The following GRID1 variants were observed in gnomAD, a reference collection of about 807,000 sequenced individuals.
The protein encoded by GRID1 is glutamate ionotropic receptor delta type subunit 1, also known as glutamate receptor ionotropic, delta-1.
GRID1 carries 28 observed loss-of-function variants against 98.0 expected under a neutral mutation model. The observed-to-expected ratio is 0.29, with a 90% CI of 0.21 to 0.39. The LOEUF is 0.39. Ranked by LOEUF, GRID1 falls within the 10% of genes least tolerant of loss-of-function variation. The probability of loss-of-function intolerance (pLI) is 1.00; values close to 1 mark genes in which losing one functional copy is unlikely to be tolerated. For synonymous variants in GRID1, 553 were observed against 538.5 expected, an observed-to-expected ratio of 1.03 and a Z score of -0.37; for missense variants, 1,111 against 1,340.5, an observed-to-expected ratio of 0.83 and a Z score of 2.67.
chr10:86,179,348 G>C (rs1474481775), intron 3 of GRID1, among the ~76,000 whole-genome samples: 1 of 151,820 alleles, frequency 6.6e-6, no homozygotes, highest in Non-Finnish European at 1.5e-5. Context: ...CCTGGGATCA[G>C]CCAGACATTT....
At chr10:85,946,175 G>T (rs1159573444) in intron 4 of GRID1, among the ~76,000 whole-genome samples, 1 of 152,088 alleles carries the variant, frequency 6.6e-6, no homozygotes, top group Non-Finnish European at 1.5e-5. Context: ...TGAAGCTCTG[G>T]GTAGTACAAA....
intron 8 of GRID1, among the ~76,000 whole-genome samples, chr10:85,775,332 C>T (rs965883564): frequency 1.1e-3 from 20 of 17,542 alleles, no homozygotes; most frequent in Middle Eastern, 0.029. Context: ...GTTGTGGGGT[C>T]GGGGGAGGGA....
rs1446151932 is a variant in GRID1 at position 86,043,108 on chromosome 10, T to C, written c.726+95711A>G. 2.0e-5 allele frequency among the ~76,000 whole-genome samples: 3 copies of C among 152,146 alleles called. No individual in the cohort carries two copies. In the South Asian group the frequency reaches 6.2e-4, roughly 32 times the overall value. Reference sequence around the variant, plus strand: ...AGTTTCCAAAAAAAAAGAAAGTGTCTATTTTATTAGACATCAGAGAGTGGA... The same window carrying C: ...AGTTTCCAAAAAAAAAGAAAGTGTCCATTTTATTAGACATCAGAGAGTGGA... On this transcript the variant is annotated intron_variant, in intron 4 of 15. Transcript: ENST00000327946.
intron 2 of GRID1, among the ~76,000 whole-genome samples, chr10:86,239,309 C>T (rs1240046062): frequency 6.6e-6 from 1 of 152,214 alleles, no homozygotes; most frequent in Non-Finnish European, 1.5e-5. Flanking sequence ...ATGCCTGCAC[C>T]CCCATTGTAT....
At position 85,612,733 on chromosome 10, in the gene GRID1, A is replaced by G. The variant is rs577231666; in HGVS notation, c.2601+674T>C. Among the ~76,000 whole-genome samples the G allele has an allele frequency of 2.6e-5, 4 of 151,342 alleles. No individual in the cohort carries two copies. In the East Asian group the frequency reaches 7.8e-4, roughly 30 times the overall value. ...GGGACCTTGGTGAAGGCTTTATTTC[A>G]GAAAAAAAAAAAAATTTAAAAAAGA... is the stretch of plus-strand genomic sequence containing the variant. On this transcript the variant is annotated intron_variant, in intron 15 of 15. Coordinates refer to ENST00000327946, the MANE Select transcript of GRID1 (RefSeq NM_017551.3).
intron 3 of GRID1, among the ~76,000 whole-genome samples, chr10:86,181,869 A>T (rs1845659912): frequency 6.6e-6 from 1 of 152,126 alleles, no homozygotes; most frequent in Non-Finnish European, 1.5e-5. Flanking sequence ...CTATAGCTCC[A>T]TGAGGGCAGG....
chr10:85,918,510 A>T (rs1221893141), intron 4 of GRID1, among the ~76,000 whole-genome samples: 1 of 152,234 alleles, frequency 6.6e-6, no homozygotes, highest in African/African-American at 2.4e-5. Flanking sequence ...TGACCTAACC[A>T]GGTCACCCCA....
intron 4 of GRID1, among the ~76,000 whole-genome samples, chr10:86,116,902 A>C (rs1217664309): frequency 6.6e-6 from 1 of 152,150 alleles, no homozygotes; most frequent in Non-Finnish European, 1.5e-5. Context: ...CCAAAGAATG[A>C]TTCTCAGGGA....
intron 4 of GRID1, among the ~76,000 whole-genome samples, chr10:86,079,405 T>C (rs557584418): frequency 1.3e-5 from 2 of 152,254 alleles, no homozygotes; most frequent in African/African-American, 2.4e-5. Flanking sequence ...TCACTGTAGA[T>C]GATTTAATCA....
chr10:85,743,114 C>CCCA lies in GRID1; in HGVS notation c.1234-13503_1234-13501dup, dbSNP rs1554828641. The stretch of plus-strand genomic sequence containing the variant: ...AGGATAGAATTATGCAGCCCCCCCC[C>CCCA]CCACCACCCATTGAGAACCAATTAT... On this transcript the variant is annotated intron_variant, in intron 8 of 15. Coordinates refer to ENST00000327946, the MANE Select transcript of GRID1 (RefSeq NM_017551.3). Among the ~76,000 whole-genome samples, 168 of 134,490 alleles carry CCCA rather than the reference C, an allele frequency of 1.2e-3. 5 individuals carry two copies. The East Asian group carries it at 0.022, about 17-fold the overall frequency. 88.2% of individuals were successfully genotyped at this position (134,490 alleles called of 152,430 possible). A position where few individuals can be genotyped will look rare whatever the true frequency, so the allele number is the denominator to read the frequency against.
chr10:86,317,749 T>C (rs1429216078), intron 2 of GRID1, among the ~76,000 whole-genome samples: 2 of 152,110 alleles, frequency 1.3e-5, no homozygotes, highest in Non-Finnish European at 2.9e-5. Context: ...TTAATTTTTA[T>C]TTTTATTTTT....
In GRID1 at chr10:86,286,793, C is replaced by T. The variant is rs566097618; in HGVS notation, c.235+77148G>A. Among the ~76,000 whole-genome samples the T allele has an allele frequency of 3.1e-4, 47 of 152,332 alleles. 2 individuals carry two copies. The Middle Eastern group carries it at 0.01, about 33-fold the overall frequency. ...GAGCCTGACAGCTCTCCGCTCTGGG[C>T]GCCGGCAGGGTTGACAGCTATCTAC... On this transcript the variant is annotated intron_variant, in intron 2 of 15. Transcript: ENST00000327946.
intron 2 of GRID1, among the ~76,000 whole-genome samples, chr10:86,323,264 C>T (rs1450933628): frequency 6.6e-6 from 1 of 152,216 alleles, no homozygotes; most frequent in African/African-American, 2.4e-5. Flanking sequence ...TCTCTTCACT[C>T]AGCCTCACTT....
chr10:86,217,967 A>AT (rs1400535706), intron 2 of GRID1, among the ~76,000 whole-genome samples: 2 of 152,126 alleles, frequency 1.3e-5, no homozygotes, highest in Non-Finnish European at 2.9e-5. Flanking sequence ...CCCCACCTGC[A>AT]TTTGTCTCCT....
At chr10:86,030,231 T>C (rs1360942189) in intron 4 of GRID1, among the ~76,000 whole-genome samples, 1 of 152,236 alleles carries the variant, frequency 6.6e-6, no homozygotes, top group South Asian at 2.1e-4. Context: ...GTATGGTAAA[T>C]GCTTTTCCTA....
chr10:86,191,804 T>C (rs1399284930), intron 3 of GRID1, among the ~76,000 whole-genome samples: 2 of 152,164 alleles, frequency 1.3e-5, no homozygotes, highest in Non-Finnish European at 2.9e-5. Flanking sequence ...CCACTCCACC[T>C]GTCCTCAACT....
At chr10:85,721,392 G>A (rs11201751) in intron 12 of GRID1, among the ~76,000 whole-genome samples, 9,055 of 152,200 alleles carry the variant, frequency 0.059, 506 homozygotes, top group African/African-American at 0.15. Context: ...AAACCTGCAC[G>A]CAAATGTTCA....
At chr10:85,708,335 C>T (rs780920705) in intron 12 of GRID1, among the ~76,000 whole-genome samples, 4 of 150,884 alleles carry the variant, frequency 2.7e-5, no homozygotes, top group Non-Finnish European at 5.9e-5. Flanking sequence ...GCCCAGGAGG[C>T]GGAGCTTGCA....
chr10:85,837,958 C>G (rs2096178), intron 8 of GRID1, among the ~76,000 whole-genome samples: 49,457 of 151,954 alleles, frequency 0.33, 8,574 homozygotes, highest in African/African-American at 0.43. Context: ...AACCAGTTTA[C>G]AGAAGAACAT....
Sources: allele counts gnomAD v4.1 joint callset (sites outside exome capture counted in the v4.1 genomes callset), GRCh38; gene constraint gnomAD v4.1.1; transcripts MANE v1.5; gene names NCBI Gene and HGNC (gene_info 2026-07-23, HGNC 2026-07-21).